PCDH15: variants seen among roughly 807,000 people sequenced by gnomAD.
The protein encoded by PCDH15 is protocadherin-15.
PCDH15 carries 129 observed loss-of-function variants against 178.5 expected under a neutral mutation model. The ratio of observed to expected loss-of-function variants is 0.72; its 90% CI spans 0.63 to 0.84. PCDH15 has a LOEUF of 0.84. Ranked by LOEUF, PCDH15 falls within the 40% of genes least tolerant of loss-of-function variation. PCDH15 has a pLI of 0.00. For synonymous variants in PCDH15, 800 were observed against 732.0 expected, an observed-to-expected ratio of 1.09 and a Z score of -1.50; for missense variants, 2,230 against 2,099.9, an observed-to-expected ratio of 1.06 and a Z score of -1.21.
chr10:54,462,335 T>G (rs924240777), intron 3 of PCDH15, among the ~76,000 whole-genome samples: 1 of 151,982 alleles, frequency 6.6e-6, no homozygotes, highest in African/African-American at 2.4e-5. Context: ...CTATCTTACT[T>G]GACCTAAAAC....
At chr10:55,395,376 C>T (rs1251307835) in intron 2 of PCDH15, among the ~76,000 whole-genome samples, 2 of 152,138 alleles carry the variant, frequency 1.3e-5, no homozygotes, top group East Asian at 1.9e-4. Context: ...GACTATTATG[C>T]AATTTTCTAA....
At chr10:54,832,081 T>C (rs550355668) in intron 3 of PCDH15, among the ~76,000 whole-genome samples, 1 of 152,240 alleles carries the variant, frequency 6.6e-6, no homozygotes, top group East Asian at 1.9e-4. Flanking sequence ...CTTTGAAGTA[T>C]CTACATTTCT....
chr10:55,565,038 C>T (rs1021980090), intron 2 of PCDH15, among the ~76,000 whole-genome samples: 1 of 151,656 alleles, frequency 6.6e-6, no homozygotes, highest in Non-Finnish European at 1.5e-5. Flanking sequence ...TTCTACCCCA[C>T]AACAGAATAT....
intron 2 of PCDH15, among the ~76,000 whole-genome samples, chr10:55,373,105 A>C (rs1293077103): frequency 1.3e-5 from 2 of 152,164 alleles, no homozygotes; most frequent in African/African-American, 4.8e-5. Flanking sequence ...CAAACCTACC[A>C]GACAGGTTTA....
chr10:55,544,507 A>G (rs922812111), intron 2 of PCDH15, among the ~76,000 whole-genome samples: 2 of 152,072 alleles, frequency 1.3e-5, no homozygotes, highest in African/African-American at 4.8e-5. Flanking sequence ...GGGCATAAAG[A>G]TCATTACTTG....
At chr10:54,449,637 A>G (rs746220550) in intron 3 of PCDH15, among the ~76,000 whole-genome samples, 3 of 151,924 alleles carry the variant, frequency 2.0e-5, no homozygotes. Flanking sequence ...AGAAAAATGT[A>G]CAAACATTTT....
chr10:54,947,261 G>C (rs1482213960), intron 2 of PCDH15, among the ~76,000 whole-genome samples: 1 of 151,874 alleles, frequency 6.6e-6, no homozygotes, highest in Non-Finnish European at 1.5e-5. Context: ...CCCTTTAGAA[G>C]CCTAGAAATT....
intron 2 of PCDH15, among the ~76,000 whole-genome samples, chr10:54,640,796 T>C (rs1399383019): frequency 6.6e-6 from 1 of 152,054 alleles, no homozygotes; most frequent in Non-Finnish European, 1.5e-5. Context: ...TTAAGAGTCT[T>C]AGTGACATAT....
At chr10:55,446,166 T>C (rs1269840481) in intron 2 of PCDH15, among the ~76,000 whole-genome samples, 1 of 151,612 alleles carries the variant, frequency 6.6e-6, no homozygotes, top group East Asian at 1.9e-4. Flanking sequence ...CACCATGTAG[T>C]TGAGAAGCAC....
At chr10:54,049,714 G>T (rs2093728080) in intron 18 of PCDH15, among the ~76,000 whole-genome samples, 1 of 151,572 alleles carries the variant, frequency 6.6e-6, no homozygotes, top group Non-Finnish European at 1.5e-5. Context: ...TCTGCCTCCT[G>T]GGTTCAAACA....
At chr10:54,371,045 A>G (rs1355176233) in intron 4 of PCDH15, among the ~76,000 whole-genome samples, 1 of 151,908 alleles carries the variant, frequency 6.6e-6, no homozygotes, top group African/African-American at 2.4e-5. Context: ...AAATGAAGGC[A>G]TTAAAATCAT....
chr10:55,574,744 G>A (rs919731405), intron 2 of PCDH15, among the ~76,000 whole-genome samples: 1 of 151,902 alleles, frequency 6.6e-6, no homozygotes, highest in Admixed American at 6.6e-5. Context: ...AGACAATAAA[G>A]ATTTTATGTC....
At chr10:55,481,916 A>G in intron 2 of PCDH15, among the ~76,000 whole-genome samples, 1 of 151,494 alleles carries the variant, frequency 6.6e-6, no homozygotes, top group Admixed American at 6.6e-5. Flanking sequence ...GTGATCTAAT[A>G]CTGTCAGTGG....
intron 8 of PCDH15, among the ~76,000 whole-genome samples, chr10:54,301,798 G>A (rs1289428374): frequency 2.0e-5 from 3 of 152,134 alleles, no homozygotes; most frequent in Non-Finnish European, 1.5e-5. Flanking sequence ...ATTGAGAGGG[G>A]AGAATTCATT....
At chr10:54,309,585 G>A (rs545709425) in intron 8 of PCDH15, among the ~76,000 whole-genome samples, 7 of 152,200 alleles carry the variant, frequency 4.6e-5, no homozygotes, top group African/African-American at 1.7e-4. Flanking sequence ...TCTGAGGTCA[G>A]GAGTTCGAGA....
At chr10:54,755,895 AACTGG>A (rs1489068274) in intron 1 of PCDH15, among the ~76,000 whole-genome samples, 1 of 152,144 alleles carries the variant, frequency 6.6e-6, no homozygotes, top group Non-Finnish European at 1.5e-5. Flanking sequence ...AATGGATGCT[AACTGG>A]ATGTTACTTT....
intron 8 of PCDH15, among the ~76,000 whole-genome samples, chr10:54,250,431 C>T (rs1473244689): frequency 1.3e-5 from 2 of 151,424 alleles, no homozygotes; most frequent in African/African-American, 2.4e-5. Context: ...TACAGGCACC[C>T]GCCACCACGC....
At chr10:53,815,036 G>A (rs1028683106) in intron 35 of PCDH15, among the ~76,000 whole-genome samples, 2 of 151,638 alleles carry the variant, frequency 1.3e-5, no homozygotes, top group African/African-American at 4.8e-5. Flanking sequence ...AACCAACAAG[G>A]GAATGCTGGC....
At chr10:54,418,636 A>G (rs1174992562) in intron 3 of PCDH15, among the ~76,000 whole-genome samples, 2 of 151,878 alleles carry the variant, frequency 1.3e-5, no homozygotes, top group Non-Finnish European at 2.9e-5. Flanking sequence ...TAACTTTTTT[A>G]TTATATTAGT....
Sources: gnomAD v4.1 joint callset for allele counts (sites outside exome capture counted in the v4.1 genomes callset) on GRCh38, gnomAD v4.1.1 for gene constraint, MANE v1.5 for transcripts, NCBI Gene and HGNC (gene_info 2026-07-23, HGNC 2026-07-21) for gene names.